NREP: variants seen among roughly 807,000 people sequenced by gnomAD.
The protein encoded by NREP is neuronal regeneration related protein.
In NREP, 5 loss-of-function variants were observed where a neutral mutation model predicts 8.6. The observed-to-expected ratio is 0.58, with a 90% CI of 0.30 to 1.22. NREP has a LOEUF of 1.22. Among genes scored for constraint, NREP ranks in the 50% most tolerant of loss-of-function variants. The pLI, the probability that NREP is intolerant of heterozygous loss-of-function variation, is 0.07. For synonymous variants in NREP, 27 were observed against 28.0 expected (o/e 0.96, Z 0.11); for missense variants, 86 against 82.5 (o/e 1.04, Z -0.17).
intron 2 of NREP, among the ~76,000 whole-genome samples, chr5:111,859,150 CT>C: frequency 6.6e-6 from 1 of 152,238 alleles, no homozygotes; most frequent in African/African-American, 2.4e-5. Context: ...ATTCCCAGTA[CT>C]TCAAATTATA....
At chr5:111,753,498 G>C (rs1250699411) in intron 2 of NREP, among the ~76,000 whole-genome samples, 1 of 151,644 alleles carries the variant, frequency 6.6e-6, no homozygotes, top group Non-Finnish European at 1.5e-5. Flanking sequence ...AAAAAGTCTA[G>C]ATATTGAGTC....
chr5:111,951,172 C>A (rs1756150518), intron 2 of NREP, among the ~76,000 whole-genome samples: 1 of 151,970 alleles, frequency 6.6e-6, no homozygotes, highest in East Asian at 1.9e-4. Flanking sequence ...ACTGTGTTTG[C>A]CACATTTATT....
At chr5:111,741,828 C>T (rs866750284) in intron 2 of NREP, among the ~76,000 whole-genome samples, 2 of 146,450 alleles carry the variant, frequency 1.4e-5, no homozygotes, top group African/African-American at 5.1e-5. Context: ...CACACATACA[C>T]ACACACACAC....
chr5:111,813,957 T>C (rs1674634572), intron 2 of NREP, among the ~76,000 whole-genome samples: 2 of 152,148 alleles, frequency 1.3e-5, no homozygotes, highest in South Asian at 4.1e-4. Flanking sequence ...ATAAGTGCTC[T>C]CACCTCTGAA....
chr5:111,839,480 A>G (rs1178651958), intron 2 of NREP, among the ~76,000 whole-genome samples: 1 of 152,122 alleles, frequency 6.6e-6, no homozygotes, highest in East Asian at 1.9e-4. Context: ...TGTTTTCTTA[A>G]GAGTGCAGTT....
At chr5:111,897,860 C>A (rs1336582473) in intron 2 of NREP, among the ~76,000 whole-genome samples, 1 of 151,638 alleles carries the variant, frequency 6.6e-6, no homozygotes, top group Non-Finnish European at 1.5e-5. Context: ...TATAAATTAC[C>A]CATATTCTCA....
chr5:111,970,957 A>G (rs575863307), intron 2 of NREP, among the ~76,000 whole-genome samples: 1 of 152,024 alleles, frequency 6.6e-6, no homozygotes, highest in East Asian at 1.9e-4. Context: ...CATCAGAATT[A>G]CCTAGGGAGC....
chr5:111,834,230 A>G (rs1752841338), intron 2 of NREP, among the ~76,000 whole-genome samples: 1 of 152,200 alleles, frequency 6.6e-6, no homozygotes, highest in African/African-American at 2.4e-5. Context: ...GTCAGCATCC[A>G]TGAAGTAAAC....
intron 2 of NREP, among the ~76,000 whole-genome samples, chr5:111,772,231 A>G (rs1331196536): frequency 6.6e-6 from 1 of 152,192 alleles, no homozygotes; most frequent in Non-Finnish European, 1.5e-5. Context: ...TTGTAAAATT[A>G]TCATCTCAAT....
intron 2 of NREP, among the ~76,000 whole-genome samples, chr5:111,964,855 CAAAAAAAAAAAAAAAAAAAAAA>C (rs58877839): frequency 0.011 from 489 of 44,900 alleles, 9 homozygotes; most frequent in African/African-American, 0.029. Context: ...CTTTCAGCAG[CAAAAAAAAAAAAAAAAAAAAAA>C]AAAAAAAAAA....
chr5:111,940,089 T>C (rs925882755), intron 2 of NREP: 2 of 152,054 alleles, frequency 1.3e-5, no homozygotes, highest in African/African-American at 4.8e-5. Context: ...AATTACTGCA[T>C]TCAAAGAAAA....
chr5:111,944,185 C>T (rs1755912100), intron 2 of NREP, among the ~76,000 whole-genome samples: 1 of 152,064 alleles, frequency 6.6e-6, no homozygotes, highest in African/African-American at 2.4e-5. Context: ...TTGAGACCAC[C>T]AATTTTTGTT....
chr5:111,749,720 G>A (rs1327016098), intron 2 of NREP, among the ~76,000 whole-genome samples: 1 of 152,114 alleles, frequency 6.6e-6, no homozygotes, highest in African/African-American at 2.4e-5. Context: ...TCTTTCTATC[G>A]GGGAGCTTGC....
At chr5:111,798,196 A>C (rs184174729) in intron 2 of NREP, among the ~76,000 whole-genome samples, 83 of 152,326 alleles carry the variant, frequency 5.4e-4, no homozygotes, top group Middle Eastern at 3.4e-3. Context: ...ATTTAATTTT[A>C]ACAAATAAGA....
At chr5:111,792,386 T>C (rs970528356) in intron 2 of NREP, among the ~76,000 whole-genome samples, 6 of 152,196 alleles carry the variant, frequency 3.9e-5, no homozygotes, top group African/African-American at 1.4e-4. Context: ...TAACCCAACT[T>C]AATAAAATGA....
chr5:111,924,628 C>G (rs1032980797), intron 2 of NREP, among the ~76,000 whole-genome samples: 1 of 152,084 alleles, frequency 6.6e-6, no homozygotes, highest in Non-Finnish European at 1.5e-5. Flanking sequence ...TTTCTGCATC[C>G]CTAATATTGG....
At chr5:111,915,415 G>C (rs7704654) in intron 2 of NREP, among the ~76,000 whole-genome samples, 20,102 of 151,758 alleles carry the variant, frequency 0.13, 1,884 homozygotes, top group African/African-American at 0.26. Context: ...TAAGATACCA[G>C]CTCACATTAA....
chr5:111,917,484 A>G (rs1020291311), intron 2 of NREP, among the ~76,000 whole-genome samples: 1 of 152,176 alleles, frequency 6.6e-6, no homozygotes, highest in African/African-American at 2.4e-5. Context: ...AACCACATCC[A>G]GCAGCACATC....
chr5:111,790,706 C>T (rs777921933), intron 2 of NREP, among the ~76,000 whole-genome samples: 1 of 151,992 alleles, frequency 6.6e-6, no homozygotes, highest in Admixed American at 6.6e-5. Context: ...ATGGTAGAGC[C>T]ATATATTGAA....
Sources: gnomAD v4.1 joint callset for allele counts (sites outside exome capture counted in the v4.1 genomes callset) on GRCh38, gnomAD v4.1.1 for gene constraint, MANE v1.5 for transcripts, NCBI Gene and HGNC (gene_info 2026-07-23, HGNC 2026-07-21) for gene names.